LRRK2: variants seen among roughly 807,000 people sequenced by gnomAD.
LRRK2 encodes the protein leucine rich repeat kinase 2.
LRRK2 carries 203 observed loss-of-function variants against 302.6 expected under a neutral mutation model. That is an observed-to-expected ratio of 0.67 (90% CI 0.60 to 0.75). The LOEUF (loss-of-function observed/expected upper bound fraction) is 0.75. Ranked by LOEUF, LRRK2 falls within the 30% of genes least tolerant of loss-of-function variation. LRRK2 has a pLI of 0.00. For missense variants in LRRK2, 2,830 were observed against 2,951.0 expected, an observed-to-expected ratio of 0.96 and a Z score of 0.95; for synonymous variants, 1,066 against 1,031.9, an observed-to-expected ratio of 1.03 and a Z score of -0.63.
chr12:40,348,551 TTGCATATA>T (rs769003024), intron 43 of LRRK2, 42 bp downstream of exon 43: 3 of 1,186,608 alleles, frequency 2.5e-6, no homozygotes, highest in South Asian at 2.5e-5. Flanking sequence ...AGAACATCAT[TTGCATATA>T]TGCATATATA....
intron 38 of LRRK2, among the ~76,000 whole-genome samples, chr12:40,327,790 T>G (rs1205930943): frequency 6.6e-6 from 1 of 151,856 alleles, no homozygotes; most frequent in Non-Finnish European, 1.5e-5. Context: ...AAGAAGGGAA[T>G]GTAAATGAGG....
chr12:40,295,957 T>A (rs1363164124), intron 23 of LRRK2, among the ~76,000 whole-genome samples: 1 of 152,168 alleles, frequency 6.6e-6, no homozygotes, highest in African/African-American at 2.4e-5. Context: ...CTTCAACAAT[T>A]TAAATTAGAT....
intron 20 of LRRK2, among the ~76,000 whole-genome samples, chr12:40,290,523 A>T (rs1944103475): frequency 6.6e-6 from 1 of 152,010 alleles, no homozygotes; most frequent in Admixed American, 6.6e-5. Context: ...CTAGGTTTTA[A>T]ATTTTTGTGA....
intron 28 of LRRK2, among the ~76,000 whole-genome samples, chr12:40,307,836 C>T (rs1434089222): frequency 7.5e-6 from 1 of 134,078 alleles, no homozygotes; most frequent in Non-Finnish European, 1.5e-5. Flanking sequence ...GGCTGGAGTG[C>T]AGTGGCCTGA....
At chr12:40,230,415 C>T (rs948035244) in intron 2 of LRRK2, among the ~76,000 whole-genome samples, 1 of 152,128 alleles carries the variant, frequency 6.6e-6, no homozygotes, top group Non-Finnish European at 1.5e-5. Context: ...TTTACTTATG[C>T]ATCCAGCCTT....
Position 40,368,445 on chromosome 12 carries a change from T to C in LRRK2, c.*680T>C, listed in dbSNP as rs1225474848. 6.6e-6 allele frequency: 1 copy of C among 151,854 alleles called. No individual in the cohort carries two copies. Among genetic ancestry groups the C allele is most frequent in the Non-Finnish European group, 1.5e-5 (1 of 67,728 alleles). 9.4% of individuals were successfully genotyped at this position (151,854 alleles called of 1,614,324 possible). On this transcript the variant is annotated 3_prime_UTR_variant, in exon 51 of 51. Transcript: ENST00000298910. The stretch of plus-strand genomic sequence containing the variant: ...AGGAAAGACACAGAAACTCTCTTTG[T>C]CACAGAAACTCTCTGTGTCTTTCCT...
Position 40,263,813 on chromosome 12 carries a change from A to T in LRRK2, c.1568A>T (p.Asp523Val). ...VPGMPEESRE[D>V]TEFHHKLNMV... Reference sequence around the variant, plus strand: ...GGCATGCCAGAAGAATCCAGGGAGGATACAGAATTTCATCATAAGCTAAAT... The same window carrying T: ...GGCATGCCAGAAGAATCCAGGGAGGTTACAGAATTTCATCATAAGCTAAAT... Residue 523 changes from aspartate to valine, a missense_variant, in exon 14 of 51, where the codon GAT (aspartate) becomes GTT (valine). Asp to Val is a radical substitution (Grantham distance 152, BLOSUM62 -3). Transcript: ENST00000298910. 1 of 1,612,938 alleles carries T rather than the reference A, an allele frequency of 6.2e-7. No individual in the cohort carries two copies. Among genetic ancestry groups the T allele is most frequent in the South Asian group, 1.1e-5 (1 of 90,976 alleles).
chr12:40,268,465 G>C (rs1943109388), intron 14 of LRRK2, among the ~76,000 whole-genome samples: 1 of 151,998 alleles, frequency 6.6e-6, no homozygotes, highest in South Asian at 2.1e-4. Context: ...ATTTAAAAAA[G>C]GTTTACAGGA....
chr12:40,353,468 G>A lies in LRRK2; in HGVS notation c.6577-831G>A, dbSNP rs1198763371. On this transcript the variant is annotated intron_variant, in intron 44 of 50. Transcript: ENST00000298910. ...CTCATCACTTCCTAGACGGGATGGC[G>A]GCCGGGAAGAGGCGCTCCTCATTTC... Among the ~76,000 whole-genome samples, 9 of 148,356 alleles carry A rather than the reference G, an allele frequency of 6.1e-5. 1 individual carries two copies. The highest frequency in any genetic ancestry group is 1.3e-4 in the Non-Finnish European group (9 of 67,268).
chr12:40,305,178 A>G (rs146812211), intron 27 of LRRK2, among the ~76,000 whole-genome samples: 19 of 152,294 alleles, frequency 1.2e-4, no homozygotes, highest in Non-Finnish European at 1.9e-4. Context: ...CGTATTGCCT[A>G]CAAAAACCAA....
intron 3 of LRRK2, chr12:40,232,790 T>C (rs1292081536): frequency 6.0e-6 from 1 of 166,072 alleles, no homozygotes; most frequent in East Asian, 1.7e-4. Flanking sequence ...AAAGTTGATG[T>C]TCTACTGTCT....
In LRRK2 at chr12:40,252,990, C is replaced by G; in HGVS notation, c.1262C>G (p.Ala421Gly). Residue 421 changes from alanine (A) to glycine (G), a missense_variant, in exon 11 of 51, where the codon GCA (alanine) becomes GGA (glycine). This residue lies in a region of LRRK2 where 2,121 missense variants were observed against 2,148.0 expected (regional missense o/e 0.99). Transcript: ENST00000298910. ...SKEVFQASAN[A>G]LSTLLEQNVN... ...GAAGTTTTCCAGGCATCTGCGAATG[C>G]ATTGTCAACTCTCTTAGAACAAAAT... is the stretch of plus-strand genomic sequence containing the variant. The G allele has an allele frequency of 6.2e-7, 1 of 1,612,202 alleles. No individual in the cohort carries two copies. The highest frequency in any genetic ancestry group is 8.5e-7 in the Non-Finnish European group (1 of 1,178,480).
intron 14 of LRRK2, among the ~76,000 whole-genome samples, chr12:40,268,816 T>A (rs1236382446): frequency 6.6e-6 from 1 of 152,054 alleles, no homozygotes; most frequent in Non-Finnish European, 1.5e-5. Flanking sequence ...CACAGAAGGG[T>A]GGCTCAGGAA....
intron 25 of LRRK2, among the ~76,000 whole-genome samples, chr12:40,301,382 C>CCA (rs1944619235): frequency 6.6e-6 from 1 of 152,092 alleles, no homozygotes; most frequent in Admixed American, 6.6e-5. Flanking sequence ...GGAGATCAGG[C>CCA]CACAGCACTC....
chr12:40,355,831 A>G (rs1039150813), intron 45 of LRRK2, among the ~76,000 whole-genome samples: 1 of 152,126 alleles, frequency 6.6e-6, no homozygotes, highest in Non-Finnish European at 1.5e-5. Context: ...AGTGTGAGCC[A>G]CCACGCCAGG....
At chr12:40,230,936 TA>T (rs1158661377) in intron 2 of LRRK2, among the ~76,000 whole-genome samples, 3 of 152,150 alleles carry the variant, frequency 2.0e-5, no homozygotes, top group Admixed American at 6.6e-5. Flanking sequence ...AAGAGCCTAC[TA>T]GGGGTGTCTG....
chr12:40,343,541 A>G (rs1475440760), intron 41 of LRRK2, among the ~76,000 whole-genome samples: 1 of 152,216 alleles, frequency 6.6e-6, no homozygotes, highest in Non-Finnish European at 1.5e-5. Context: ...ACAATGTGAT[A>G]TGTACTCAGA....
At position 40,237,672 on chromosome 12, in the gene LRRK2, G is replaced by A. The variant is rs559760830; in HGVS notation, c.437-297G>A. 1.5e-3 allele frequency among the ~76,000 whole-genome samples: 226 copies of A among 152,276 alleles called. 2 individuals carry two copies. The highest frequency in any genetic ancestry group is 5.3e-3 in the African/African-American group (220 of 41,562). ...TTCAGATGTTGTCTAAGAGGCATAA[G>A]AATGTATTTCAGATGTTTGGGGCAA... On this transcript the variant is annotated intron_variant, in intron 4 of 50. Transcript: ENST00000298910.
chr12:40,365,285 G>T (rs1946842764), intron 49 of LRRK2: 3 of 476,152 alleles, frequency 6.3e-6, no homozygotes, highest in Non-Finnish European at 1.1e-5. Context: ...CACTCAGTTT[G>T]GGTCTTACTT....
Sources: allele counts gnomAD v4.1 joint callset (sites outside exome capture counted in the v4.1 genomes callset), GRCh38; gene constraint gnomAD v4.1.1; regional missense constraint gnomAD v4.1.1; transcripts MANE v1.5; gene names NCBI Gene and HGNC (gene_info 2026-07-23, HGNC 2026-07-21).